The following CDYL2 variants were observed in gnomAD, a reference collection of about 807,000 sequenced individuals.
CDYL2 encodes the protein chromodomain Y-like protein 2.
In CDYL2, 23 loss-of-function variants were observed where a neutral mutation model predicts 49.4. The ratio of observed to expected loss-of-function variants is 0.47; its 90% CI spans 0.34 to 0.66. CDYL2 has a LOEUF of 0.66. CDYL2 is among the 30% of genes least tolerant of loss of function. The probability of loss-of-function intolerance (pLI) is 0.01; values close to 1 mark genes in which losing one functional copy is unlikely to be tolerated. For synonymous variants in CDYL2, 360 were observed against 268.8 expected, an observed-to-expected ratio of 1.34 and a Z score of -3.32; for missense variants, 678 against 656.4, an observed-to-expected ratio of 1.03 and a Z score of -0.36.
At chr16:80,762,782 G>C (rs1326009504) in intron 1 of CDYL2, among the ~76,000 whole-genome samples, 1 of 152,084 alleles carries the variant, frequency 6.6e-6, no homozygotes, top group Non-Finnish European at 1.5e-5. Context: ...CTTCTTGTTT[G>C]AGCTCTCATA....
At chr16:80,768,863 A>G (rs1597124444) in intron 1 of CDYL2, among the ~76,000 whole-genome samples, 1 of 152,220 alleles carries the variant, frequency 6.6e-6, no homozygotes, top group African/African-American at 2.4e-5. Flanking sequence ...TTAGGATTAG[A>G]AGAGATAATG....
chr16:80,782,607 A>G (rs567361112), intron 1 of CDYL2, among the ~76,000 whole-genome samples: 2 of 151,772 alleles, frequency 1.3e-5, no homozygotes, highest in South Asian at 4.2e-4. Flanking sequence ...ACAAAATACT[A>G]GGAAACCAAA....
At chr16:80,694,731 T>A (rs1416120835) in intron 1 of CDYL2, among the ~76,000 whole-genome samples, 1 of 151,964 alleles carries the variant, frequency 6.6e-6, no homozygotes, top group African/African-American at 2.4e-5. Flanking sequence ...GCAACACAGA[T>A]CATGGTTTCT....
intron 3 of CDYL2, among the ~76,000 whole-genome samples, chr16:80,630,998 T>C (rs942713885): frequency 4.6e-5 from 7 of 152,056 alleles, no homozygotes; most frequent in African/African-American, 1.7e-4. Context: ...CCCATTGCTA[T>C]TATGAAAAAG....
intron 5 of CDYL2, among the ~76,000 whole-genome samples, chr16:80,610,025 G>C (rs1293647572): frequency 6.6e-6 from 1 of 152,192 alleles, no homozygotes; most frequent in Non-Finnish European, 1.5e-5. Flanking sequence ...GGTTAACTGA[G>C]AGGTGCTTAG....
chr16:80,774,452 C>G (rs898900984), intron 1 of CDYL2, among the ~76,000 whole-genome samples: 2 of 152,090 alleles, frequency 1.3e-5, no homozygotes, highest in African/African-American at 4.8e-5. Flanking sequence ...TTCAGTTAGA[C>G]TGAAGGTATA....
chr16:80,774,676 T>C (rs1907022636), intron 1 of CDYL2, among the ~76,000 whole-genome samples: 1 of 152,262 alleles, frequency 6.6e-6, no homozygotes, highest in South Asian at 2.1e-4. Context: ...AACATAATTA[T>C]TATTTCAATT....
chr16:80,741,213 T>C (rs1410390741), intron 1 of CDYL2, among the ~76,000 whole-genome samples: 2 of 150,934 alleles, frequency 1.3e-5, no homozygotes, highest in South Asian at 2.1e-4. Context: ...ATTTTATATA[T>C]AATAAAATGG....
At chr16:80,718,005 G>C (rs1040908934) in intron 1 of CDYL2, among the ~76,000 whole-genome samples, 1 of 152,180 alleles carries the variant, frequency 6.6e-6, no homozygotes, top group African/African-American at 2.4e-5. Flanking sequence ...CTCACGCTGG[G>C]TGCTTTCTCA....
intron 2 of CDYL2, among the ~76,000 whole-genome samples, chr16:80,676,961 G>GCCT (rs1909769055): frequency 9.0e-6 from 1 of 110,518 alleles, no homozygotes; most frequent in African/African-American, 3.4e-5. Flanking sequence ...CCAATTCAAT[G>GCCT]TATTTTTTTT....
At chr16:80,788,895 A>T (rs1304159208) in intron 1 of CDYL2, among the ~76,000 whole-genome samples, 1 of 152,184 alleles carries the variant, frequency 6.6e-6, no homozygotes, top group Non-Finnish European at 1.5e-5. Flanking sequence ...CAACTCAACA[A>T]GAAAAAAACA....
chr16:80,721,486 A>G (rs1226651277), intron 1 of CDYL2, among the ~76,000 whole-genome samples: 1 of 152,094 alleles, frequency 6.6e-6, no homozygotes, highest in Non-Finnish European at 1.5e-5. Context: ...TATTTGGGAG[A>G]GTGGCGATCA....
Position 80,640,294 on chromosome 16 carries a change from G to A in CDYL2, c.617-7058C>T, listed in dbSNP as rs113316050. On this transcript the variant is annotated intron_variant, in intron 2 of 6. Coordinates refer to ENST00000570137, the MANE Select transcript of CDYL2 (RefSeq NM_152342.4). ...GATAACAGCTCAGTCACAGCAGGAT[G>A]GGGCACTGGTCAGAGTCATGAGGCC... Among the ~76,000 whole-genome samples the A allele has an allele frequency of 2.0e-4, 30 of 152,314 alleles. 1 individual carries two copies. Among genetic ancestry groups the A allele is most frequent in the African/African-American group, 4.8e-4 (20 of 41,558 alleles).
chr16:80,632,778 T>C (rs966745381), intron 3 of CDYL2: 3 of 484,274 alleles, frequency 6.2e-6, no homozygotes, highest in Non-Finnish European at 1.1e-5. Flanking sequence ...ATCAGTTCAG[T>C]GAGTCCCTCT....
chr16:80,629,955 A>G (rs1034644131), intron 3 of CDYL2, among the ~76,000 whole-genome samples: 3 of 152,182 alleles, frequency 2.0e-5, no homozygotes, highest in Admixed American at 6.5e-5. Flanking sequence ...TTGCCAGCAA[A>G]ATACTGTAAA....
intron 2 of CDYL2, among the ~76,000 whole-genome samples, chr16:80,677,672 G>C (rs554569301): frequency 6.6e-6 from 1 of 152,068 alleles, no homozygotes; most frequent in Admixed American, 6.5e-5. Context: ...TCAGGAGGCG[G>C]AGCTTGCAGT....
chr16:80,626,379 G>A (rs1196748432), intron 3 of CDYL2, among the ~76,000 whole-genome samples: 4 of 151,936 alleles, frequency 2.6e-5, no homozygotes, highest in Non-Finnish European at 1.5e-5. Flanking sequence ...TTTGAGGGCA[G>A]GGGTTGGTAT....
At chr16:80,687,528 G>A (rs1334629988) in intron 1 of CDYL2, among the ~76,000 whole-genome samples, 1 of 151,890 alleles carries the variant, frequency 6.6e-6, no homozygotes, top group Non-Finnish European at 1.5e-5. Flanking sequence ...GTGACTAGAT[G>A]GATAAATAAA....
chr16:80,637,226 A>T (rs1044494850), intron 2 of CDYL2, among the ~76,000 whole-genome samples: 1 of 2,914 alleles, frequency 3.4e-4, no homozygotes, highest in African/African-American at 5.3e-4. Context: ...GCACAAACTT[A>T]AAAAAAAAAG....
Sources: allele counts gnomAD v4.1 joint callset (sites outside exome capture counted in the v4.1 genomes callset), GRCh38; gene constraint gnomAD v4.1.1; transcripts MANE v1.5; gene names NCBI Gene and HGNC (gene_info 2026-07-23, HGNC 2026-07-21).